The following PIKFYVE variants were observed in gnomAD, a reference collection of about 807,000 sequenced individuals.
PIKFYVE encodes phosphoinositide kinase, FYVE-type zinc finger containing.
PIKFYVE carries 122 observed loss-of-function variants against 257.9 expected under a neutral mutation model. That is an observed-to-expected ratio of 0.47 (90% confidence interval 0.41 to 0.55). The LOEUF (loss-of-function observed/expected upper bound fraction) is 0.55, where lower values mean the gene tolerates loss of function less well. Among genes scored for constraint, PIKFYVE ranks in the 20% least tolerant of loss-of-function variants. PIKFYVE has a pLI of 0.00. For missense variants in PIKFYVE, 2,160 were observed against 2,536.6 expected, an observed-to-expected ratio of 0.85 and a Z score of 3.19; for synonymous variants, 892 against 868.9, an observed-to-expected ratio of 1.03 and a Z score of -0.47.
rs781084348 is a variant in PIKFYVE at position 208,320,354 on chromosome 2, C to A, written c.2185C>A (p.Leu729Ile). The A allele has an allele frequency of 1.9e-6, 3 of 1,611,732 alleles. No homozygotes were observed. In the East Asian group the frequency reaches 6.7e-5, roughly 36 times the overall value. Residue 729 changes from leucine to isoleucine, a missense_variant, in exon 17 of 42, where the codon CTT becomes ATT. By Grantham distance (5) the Leu-to-Ile change is conservative. This residue lies in a region of PIKFYVE where 346 missense variants were observed against 365.6 expected (regional missense o/e 0.95). Transcript: ENST00000264380. ...TKFTCIDPIV[L>I]QEREFLKNYV... ...GTTTACTTGCATTGATCCTATTGTG[C>A]TTCAGGTAAGAATTTACTACTGAAA...
intron 6 of PIKFYVE, 143 bp downstream of exon 6, chr2:208,286,076 C>G (rs1157869310): frequency 1.0e-5 from 9 of 862,418 alleles, no homozygotes; most frequent in Non-Finnish European, 1.6e-5. Context: ...TGGCTTGCCT[C>G]CAGAATGTTT....
intron 2 of PIKFYVE, among the ~76,000 whole-genome samples, chr2:208,272,301 G>A (rs867216712): frequency 3.3e-5 from 5 of 151,802 alleles, no homozygotes; most frequent in African/African-American, 9.7e-5. Context: ...GAAAGTAGTC[G>A]TCTTTTTTTG....
chr2:208,269,094 G>A lies in PIKFYVE; in HGVS notation c.-9-2417G>A, dbSNP rs116567124. On this transcript the variant is annotated intron_variant, in intron 1 of 41. Coordinates refer to ENST00000264380, the MANE Select transcript of PIKFYVE (RefSeq NM_015040.4). Reference sequence around the variant, plus strand: ...AAATGTCATAAAGCCAGCTGTGTGTGCCTTCCAGGATTGTAAGAGTAAAAT... The same window carrying A: ...AAATGTCATAAAGCCAGCTGTGTGTACCTTCCAGGATTGTAAGAGTAAAAT... Among the ~76,000 whole-genome samples, 1,286 of 152,208 alleles carry A rather than the reference G, an allele frequency of 8.4e-3. 24 individuals are homozygous for A. Among genetic ancestry groups the A allele is most frequent in the African/African-American group, 0.029 (1,207 of 41,520 alleles).
intron 33 of PIKFYVE, 67 bp downstream of exon 33, chr2:208,345,261 T>C (rs1699124360): frequency 7.6e-7 from 1 of 1,315,112 alleles, no homozygotes; most frequent in Admixed American, 1.8e-5. Flanking sequence ...TGCTTGTACT[T>C]CAGTTTTATT....
At position 208,273,802 on chromosome 2, in the gene PIKFYVE, G is replaced by A. The variant is rs1689741335; in HGVS notation, c.322+69G>A. On this transcript the variant is annotated intron_variant, in intron 3 of 41. Coordinates refer to ENST00000264380, the MANE Select transcript of PIKFYVE (RefSeq NM_015040.4). ...TTTCCACAGTCATTGTGTTTCCTAG[G>A]TTGTTTATAGCAGGACTTAACTTTC... 3 of 1,577,132 alleles carry A rather than the reference G, an allele frequency of 1.9e-6. No individual in the cohort carries two copies. In the South Asian group the frequency reaches 3.3e-5, roughly 17 times the overall value.
In PIKFYVE at chr2:208,333,412, C is replaced by T. The variant is rs1411654105; in HGVS notation, c.4061C>T (p.Ala1354Val). Residue 1354 changes from alanine (A) to valine (V), a missense_variant, in exon 24 of 42, where the codon GCC (alanine) becomes GTC (valine). Around this residue, in one of 12 missense-constraint regions of PIKFYVE, gnomAD observed 699 missense variants for 855.8 expected, o/e 0.82. Coordinates refer to ENST00000264380, the MANE Select transcript of PIKFYVE (RefSeq NM_015040.4). The stretch of plus-strand genomic sequence containing the variant: ...TATGGGCACCAGTATACTCGCAGAG[C>T]CAACGCTGAGCCCTGTGGTCACTCC... The part of the protein sequence containing the change: ...RFYGHQYTRR[A>V]NAEPCGHSIH... 1 of 1,614,004 alleles carries T rather than the reference C, an allele frequency of 6.2e-7. No individual in the cohort carries two copies. Among genetic ancestry groups the T allele is most frequent in the African/African-American group, 1.3e-5 (1 of 75,018 alleles).
Position 208,347,935 on chromosome 2 carries a change from A to G in PIKFYVE, c.5286A>G (p.Arg1762=). ...GKSPDLSSQK[R]ETLRGADSAY... The stretch of plus-strand genomic sequence containing the variant: ...GCCCCGATCTCTCTTCCCAGAAGAG[A>G]GAGACCTTACGTGGAGCAGATAGTG... The change falls in exon 35 of 42, where the codon AGA becomes AGG. Residue 1762 remains arginine, a synonymous_variant. Coordinates refer to ENST00000264380, the MANE Select transcript of PIKFYVE (RefSeq NM_015040.4). 1 of 1,614,058 alleles carries G rather than the reference A, an allele frequency of 6.2e-7. No homozygotes were observed. Among genetic ancestry groups the G allele is most frequent in the East Asian group, 2.2e-5 (1 of 44,878 alleles).
chr2:208,305,384 G>A, intron 12 of PIKFYVE: 1 of 1,111,462 alleles, frequency 9.0e-7, no homozygotes, highest in Non-Finnish European at 1.1e-6. Context: ...AAGCCTATTT[G>A]CCTTTGCCGT....
At chr2:208,298,452 A>G (rs963830297) in intron 7 of PIKFYVE, among the ~76,000 whole-genome samples, 189 bp from the exon 8 acceptor site, 7 of 146,452 alleles carry the variant, frequency 4.8e-5, no homozygotes, top group African/African-American at 1.2e-4. Context: ...AATATCGTAC[A>G]GAGAGTTTCT....
rs972050341 is a variant in PIKFYVE, at chr2:208,335,832, A to G, written c.4296A>G (p.Ala1432=). Reference sequence around the variant, plus strand: ...ATGTTGCCATTGATGAAAGACTTGCATCTTTGAAAACTGATACATTTAGTA... The same window carrying G: ...ATGTTGCCATTGATGAAAGACTTGCGTCTTTGAAAACTGATACATTTAGTA... ...QVYVAIDERL[A]SLKTDTFSKT... Residue 1432 remains alanine (A), a synonymous_variant, in exon 26 of 42, where the codon GCA becomes GCG. Transcript: ENST00000264380. The G allele has an allele frequency of 4.3e-6, 7 of 1,613,122 alleles. No individual in the cohort carries two copies. In the African/African-American group the frequency reaches 5.3e-5, roughly 12 times the overall value.
At chr2:208,306,636 T>G (rs1694347424) in intron 12 of PIKFYVE, among the ~76,000 whole-genome samples, 1 of 152,118 alleles carries the variant, frequency 6.6e-6, no homozygotes, top group African/African-American at 2.4e-5. Flanking sequence ...TTGAGAACAT[T>G]CGGAGTGGAA....
chr2:208,286,967 A>G (rs975087189), intron 6 of PIKFYVE, among the ~76,000 whole-genome samples: 6 of 152,364 alleles, frequency 3.9e-5, no homozygotes, highest in South Asian at 2.1e-4. Context: ...TTAGTATGTA[A>G]TGAATTTAAA....
intron 4 of PIKFYVE, among the ~76,000 whole-genome samples, 185 bp from the exon 5 acceptor site, chr2:208,277,352 G>A (rs566380769): frequency 1.3e-5 from 2 of 152,206 alleles, no homozygotes; most frequent in Non-Finnish European, 2.9e-5. Context: ...TTGATGGCTG[G>A]TAATATTAAG....
Position 208,354,120 on chromosome 2 carries a change from C to T in PIKFYVE, c.6067C>T (p.Arg2023Ter), listed in dbSNP as rs750096185. 7 of 1,613,522 alleles carry T rather than the reference C, an allele frequency of 4.3e-6. No homozygotes were observed. The highest frequency in any genetic ancestry group is 1.7e-5 in the Admixed American group (1 of 59,986). The change falls in exon 40 of 42, where the codon CGA becomes TGA. Residue 2023 changes from arginine to a stop codon, truncating the protein, a stop_gained. Transcript: ENST00000264380. LOFTEE classifies it high-confidence loss of function. ...LIIDYSLLVG[R>*]DDTSNELVVG... is the part of the protein sequence containing the mutation. ...TATAGATTATTCTTTGCTGGTTGGG[C>T]GAGATGATACTAGCAATGAGCTAGT...
At chr2:208,337,808 G>T (rs1559153622) in intron 28 of PIKFYVE, among the ~76,000 whole-genome samples, 1 of 152,014 alleles carries the variant, frequency 6.6e-6, no homozygotes, top group Non-Finnish European at 1.5e-5. Context: ...TGCAACCTCT[G>T]CCTTCCGAGT....
In PIKFYVE at chr2:208,271,684, T is replaced by A; in HGVS notation, c.165T>A (p.Phe55Leu). The A allele has an allele frequency of 6.2e-7, 1 of 1,612,472 alleles. No individual in the cohort carries two copies. Among genetic ancestry groups the A allele is most frequent in the Non-Finnish European group, 8.5e-7 (1 of 1,178,510 alleles). ...GTTCTTTTGTAAATCTCTTTCGTTTTAACAAAGGTAAGACTTATTAAAGAT... is the reference window on the plus strand; with the variant it reads ...GTTCTTTTGTAAATCTCTTTCGTTTAAACAAAGGTAAGACTTATTAAAGAT... ...AYSSFVNLFR[F>L]NKERAEGGQG... The change falls in exon 2 of 42, where the codon TTT becomes TTA. Residue 55 changes from phenylalanine to leucine, a missense_variant. Coordinates refer to ENST00000264380, the MANE Select transcript of PIKFYVE (RefSeq NM_015040.4).
chr2:208,321,084 C>T (rs1461721469), intron 17 of PIKFYVE, among the ~76,000 whole-genome samples: 1 of 152,154 alleles, frequency 6.6e-6, no homozygotes, highest in Non-Finnish European at 1.5e-5. Flanking sequence ...CTCCATGATT[C>T]CTCTTAAGGT....
intron 1 of PIKFYVE, among the ~76,000 whole-genome samples, chr2:208,268,286 A>T (rs564618882): frequency 6.6e-6 from 1 of 151,976 alleles, no homozygotes; most frequent in South Asian, 2.1e-4. Flanking sequence ...TGTGTAGATA[A>T]CCTTTAGAAG....
At chr2:208,341,617 G>A (rs1698709565) in intron 31 of PIKFYVE, among the ~76,000 whole-genome samples, 2 of 152,130 alleles carry the variant, frequency 1.3e-5, no homozygotes, top group African/African-American at 4.8e-5. Context: ...GTTCTGGCAA[G>A]GGTCCTCTTT....
Sources: allele counts gnomAD v4.1 joint callset (sites outside exome capture counted in the v4.1 genomes callset), GRCh38; gene constraint gnomAD v4.1.1; regional missense constraint gnomAD v4.1.1; transcripts MANE v1.5; gene names NCBI Gene and HGNC (gene_info 2026-07-23, HGNC 2026-07-21).